Variants in NKAIN2 observed in about 807,000 individuals in gnomAD.
NKAIN2 encodes the protein sodium/potassium-transporting ATPase subunit beta-1-interacting protein 2.
NKAIN2 carries 14 observed loss-of-function variants against 32.6 expected under a neutral mutation model. The observed-to-expected ratio is 0.43, with a 90% CI of 0.28 to 0.67. The LOEUF is 0.67. Ranked by LOEUF, NKAIN2 falls within the 30% of genes least tolerant of loss-of-function variation. NKAIN2 has a pLI of 0.17. For missense variants in NKAIN2, 198 were observed against 258.3 expected, an observed-to-expected ratio of 0.77 and a Z score of 1.60; for synonymous variants, 80 against 87.2, an observed-to-expected ratio of 0.92 and a Z score of 0.46.
At chr6:124,545,360 A>G (rs1193008428) in intron 3 of NKAIN2, among the ~76,000 whole-genome samples, 1 of 152,134 alleles carries the variant, frequency 6.6e-6, no homozygotes, top group African/African-American at 2.4e-5. Context: ...AACTATAATA[A>G]TCCCTTTGCC....
At chr6:124,707,090 G>A (rs1415114320) in intron 4 of NKAIN2, among the ~76,000 whole-genome samples, 2 of 149,510 alleles carry the variant, frequency 1.3e-5, no homozygotes, top group Non-Finnish European at 3.0e-5. Flanking sequence ...AATATGCGGT[G>A]TTTGGTTTTT....
chr6:124,361,111 TAA>T (rs1433134136), intron 3 of NKAIN2, among the ~76,000 whole-genome samples: 1 of 152,140 alleles, frequency 6.6e-6, no homozygotes, highest in Non-Finnish European at 1.5e-5. Context: ...AAGTGATTTT[TAA>T]GTTGAAAGTA....
intron 3 of NKAIN2, among the ~76,000 whole-genome samples, chr6:124,513,565 C>T (rs1371704719): frequency 6.6e-6 from 1 of 152,076 alleles, no homozygotes; most frequent in Non-Finnish European, 1.5e-5. Context: ...GCAGCAGTGT[C>T]ATACTATGTG....
chr6:124,402,621 C>G (rs961049535), intron 3 of NKAIN2, among the ~76,000 whole-genome samples: 1 of 152,174 alleles, frequency 6.6e-6, no homozygotes, highest in Non-Finnish European at 1.5e-5. Flanking sequence ...GCCACACACA[C>G]ACAAAACAAA....
intron 1 of NKAIN2, among the ~76,000 whole-genome samples, chr6:124,016,336 A>C (rs1780572289): frequency 6.6e-6 from 1 of 152,194 alleles, no homozygotes; most frequent in African/African-American, 2.4e-5. Context: ...ATAATAATTT[A>C]AATTGCCATT....
At chr6:124,017,060 T>C (rs1461532771) in intron 1 of NKAIN2, among the ~76,000 whole-genome samples, 2 of 152,200 alleles carry the variant, frequency 1.3e-5, no homozygotes, top group African/African-American at 2.4e-5. Flanking sequence ...AGAGATTTAA[T>C]AGACTCATGA....
chr6:123,848,210 T>C (rs755131147), intron 1 of NKAIN2, among the ~76,000 whole-genome samples: 4 of 152,146 alleles, frequency 2.6e-5, no homozygotes, highest in Admixed American at 6.5e-5. Context: ...AGAGCTTTGA[T>C]TGATAAATAG....
At chr6:124,603,262 A>G (rs368881527) in intron 3 of NKAIN2, among the ~76,000 whole-genome samples, 3 of 152,066 alleles carry the variant, frequency 2.0e-5, no homozygotes, top group East Asian at 3.9e-4. Flanking sequence ...ATGATTCTGT[A>G]TGGTAACATG....
chr6:124,145,633 G>C (rs573157930), intron 1 of NKAIN2, among the ~76,000 whole-genome samples: 1 of 152,164 alleles, frequency 6.6e-6, no homozygotes, highest in East Asian at 1.9e-4. Context: ...AGCCTCCCGA[G>C]TAGCTTGGAC....
intron 1 of NKAIN2, among the ~76,000 whole-genome samples, chr6:124,088,387 C>T (rs1784281759): frequency 6.6e-6 from 1 of 151,912 alleles, no homozygotes; most frequent in Non-Finnish European, 1.5e-5. Flanking sequence ...CCAGCCCAAC[C>T]AACAGAGTGA....
intron 4 of NKAIN2, among the ~76,000 whole-genome samples, chr6:124,785,067 G>C (rs570937015): frequency 2.6e-5 from 4 of 151,728 alleles, no homozygotes; most frequent in Non-Finnish European, 5.9e-5. Flanking sequence ...ACTCCAGTGG[G>C]GGAAAAAAAA....
intron 1 of NKAIN2, among the ~76,000 whole-genome samples, chr6:124,186,586 C>T (rs1789753244): frequency 6.6e-6 from 1 of 152,136 alleles, no homozygotes; most frequent in African/African-American, 2.4e-5. Flanking sequence ...CAGTCCTTGC[C>T]AATCAAGTGA....
intron 4 of NKAIN2, among the ~76,000 whole-genome samples, chr6:124,682,757 TC>T (rs1490717145): frequency 6.6e-5 from 10 of 152,184 alleles, no homozygotes; most frequent in African/African-American, 2.4e-4. Flanking sequence ...TTAAAAAAAC[TC>T]ATCAGAGAAT....
At chr6:124,085,858 T>G (rs991781532) in intron 1 of NKAIN2, among the ~76,000 whole-genome samples, 15 of 151,882 alleles carry the variant, frequency 9.9e-5, no homozygotes. Flanking sequence ...AAACAGTAAT[T>G]TTAGAAATCT....
chr6:124,134,830 G>T (rs1786653438), intron 1 of NKAIN2, among the ~76,000 whole-genome samples: 3 of 152,222 alleles, frequency 2.0e-5, no homozygotes, highest in Admixed American at 1.3e-4. Context: ...TTATCACCTA[G>T]GCATATAGAC....
intron 3 of NKAIN2, among the ~76,000 whole-genome samples, chr6:124,444,661 A>G (rs1583263554): frequency 1.3e-5 from 2 of 152,016 alleles, no homozygotes; most frequent in East Asian, 3.8e-4. Context: ...ATTCTGTGTG[A>G]CATTTTATAT....
rs1199480799 is a variant in NKAIN2, at chr6:124,764,216, T to A, written c.475-27123T>A. Reference sequence around the variant, plus strand: ...TAACTTCTAACTGAAATAAAACATTTCTCTTTAAAGTAAATTGGCAACACA... The same window carrying A: ...TAACTTCTAACTGAAATAAAACATTACTCTTTAAAGTAAATTGGCAACACA... On this transcript the variant is annotated intron_variant, in intron 4 of 6. Transcript: ENST00000368417. Among the ~76,000 whole-genome samples the A allele has an allele frequency of 5.3e-5, 8 of 150,308 alleles. No homozygotes were observed. In the East Asian group the frequency reaches 1.4e-3, roughly 26 times the overall value.
intron 4 of NKAIN2, among the ~76,000 whole-genome samples, chr6:124,772,786 GA>G (rs1778818561): frequency 6.6e-6 from 1 of 152,082 alleles, no homozygotes; most frequent in Non-Finnish European, 1.5e-5. Context: ...TTCTGTTAAC[GA>G]AAAAACTCAG....
intron 1 of NKAIN2, among the ~76,000 whole-genome samples, chr6:124,204,985 CA>C (rs5879719): frequency 0.69 from 102,555 of 148,142 alleles, 35,271 homozygotes; most frequent in South Asian, 0.75. Context: ...TAAAAAAAAG[CA>C]AAAAAAAAAG....
Sources: allele counts gnomAD v4.1 joint callset (sites outside exome capture counted in the v4.1 genomes callset), GRCh38; gene constraint gnomAD v4.1.1; transcripts MANE v1.5; gene names NCBI Gene and HGNC (gene_info 2026-07-23, HGNC 2026-07-21).